The following FYB2 variants were observed in gnomAD, a reference collection of about 807,000 sequenced individuals.
FYB2 encodes the protein FYN binding protein 2, also known as FYN-binding protein 2.
In FYB2, 103 loss-of-function variants were observed where a neutral mutation model predicts 94.1. The observed-to-expected ratio is 1.09, with a 90% CI of 0.93 to 1.29. FYB2 has a LOEUF of 1.29. FYB2 is among the 50% of genes most tolerant of loss of function. The pLI is 0.00. For synonymous variants in FYB2, 293 were observed against 287.9 expected (o/e 1.02, Z -0.18); for missense variants, 896 against 841.5 (o/e 1.06, Z -0.80).
intron 1 of FYB2, among the ~76,000 whole-genome samples, chr1:56,809,707 G>GT (rs1310568230): frequency 1.3e-5 from 2 of 152,090 alleles, no homozygotes; most frequent in Admixed American, 1.3e-4. Context: ...CACTCTAATT[G>GT]TTTTTTTACA....
At chr1:56,754,212 G>A (rs899781463) in intron 7 of FYB2, among the ~76,000 whole-genome samples, 14 of 151,820 alleles carry the variant, frequency 9.2e-5, no homozygotes, top group South Asian at 4.2e-4. Context: ...GATCTGGCTC[G>A]TACCTTTCTT....
At chr1:56,814,721 C>A (rs1198334941) in intron 1 of FYB2, among the ~76,000 whole-genome samples, 1 of 152,194 alleles carries the variant, frequency 6.6e-6, no homozygotes, top group Non-Finnish European at 1.5e-5. Context: ...AGTCTACTCT[C>A]CCAAGAACAA....
chr1:56,722,367 A>G (rs1369835251), intron 17 of FYB2, among the ~76,000 whole-genome samples: 2 of 152,116 alleles, frequency 1.3e-5, no homozygotes, highest in Non-Finnish European at 2.9e-5. Context: ...TAAAATAACC[A>G]TTGTCCTCTA....
chr1:56,798,100 T>C (rs965834310), intron 1 of FYB2, among the ~76,000 whole-genome samples: 2 of 152,192 alleles, frequency 1.3e-5, no homozygotes, highest in African/African-American at 4.8e-5. Flanking sequence ...CCTTGGTGAA[T>C]GAATGAGTCA....
chr1:56,820,967 ACT>A (rs1483095872), upstream of FYB2, among the ~76,000 whole-genome samples: 5 of 151,848 alleles, frequency 3.3e-5, no homozygotes, highest in South Asian at 2.1e-4. Flanking sequence ...TGACTTCATG[ACT>A]CTCTGTTTGG....
intron 4 of FYB2, among the ~76,000 whole-genome samples, chr1:56,770,588 C>T (rs1487277870): frequency 6.6e-6 from 1 of 152,008 alleles, no homozygotes; most frequent in Non-Finnish European, 1.5e-5. Flanking sequence ...TATTCCGAGA[C>T]CTCAAGGATG....
intron 1 of FYB2, among the ~76,000 whole-genome samples, chr1:56,803,470 G>A (rs1361732): frequency 0.032 from 4,867 of 152,256 alleles, 247 homozygotes; most frequent in African/African-American, 0.11. Context: ...ATCAATGGTA[G>A]CTGGACTGAT....
At chr1:56,778,545 G>A (rs1645935634) in intron 4 of FYB2, among the ~76,000 whole-genome samples, 1 of 152,006 alleles carries the variant, frequency 6.6e-6, no homozygotes, top group African/African-American at 2.4e-5. Flanking sequence ...TTGTCATTGA[G>A]CTCCCCCTCT....
At chr1:56,737,277 A>G (rs1223982969) in intron 14 of FYB2, 130 bp from the exon 15 acceptor site, 5 of 577,268 alleles carry the variant, frequency 8.7e-6, no homozygotes, top group Non-Finnish European at 1.5e-5. Context: ...AAATCTGATC[A>G]TAAAATACAG....
intron 15 of FYB2, among the ~76,000 whole-genome samples, chr1:56,730,241 G>C (rs967266672): frequency 6.9e-6 from 1 of 144,362 alleles, no homozygotes; most frequent in Non-Finnish European, 1.5e-5. Flanking sequence ...CAAAAAGCTG[G>C]TGTTTTGAAA....
At chr1:56,787,243 T>C in intron 3 of FYB2, 35 bp from the exon 4 acceptor site, 1 of 1,612,808 alleles carries the variant, frequency 6.2e-7, no homozygotes, top group Non-Finnish European at 8.5e-7. Flanking sequence ...AAAAGAGGCA[T>C]TTGCAGCAGC....
At chr1:56,822,091 G>T (rs1646996368), upstream of FYB2, among the ~76,000 whole-genome samples, 1 of 152,202 alleles carries the variant, frequency 6.6e-6, no homozygotes, top group African/African-American at 2.4e-5. Flanking sequence ...ATAAAGAAAT[G>T]ACTGACTGAG....
Position 56,807,707 on chromosome 1 carries a change from G to A in FYB2, c.9+11575C>T, listed in dbSNP as rs564949635. On this transcript the variant is annotated intron_variant, in intron 1 of 19. Transcript: ENST00000343433. ...TAACAACCCAGCAAGATTGGTAAGCGTTGGAATTCCCGTTTTATAGATAAA... is the reference window on the plus strand; with the variant it reads ...TAACAACCCAGCAAGATTGGTAAGCATTGGAATTCCCGTTTTATAGATAAA... Among the ~76,000 whole-genome samples the A allele has an allele frequency of 9.2e-5, 14 of 152,284 alleles. No individual in the cohort carries two copies. The South Asian group carries it at 1.7e-3, about 18-fold the overall frequency.
chr1:56,773,076 A>G (rs552088876), intron 4 of FYB2, among the ~76,000 whole-genome samples: 4 of 152,306 alleles, frequency 2.6e-5, no homozygotes, highest in African/African-American at 9.6e-5. Context: ...TAAATGCAAT[A>G]TAAGTGTTAA....
chr1:56,755,792 C>A, intron 7 of FYB2, 104 bp downstream of exon 7: 2 of 1,153,230 alleles, frequency 1.7e-6, no homozygotes, highest in South Asian at 1.4e-5. Context: ...CTGAACCAGG[C>A]TAGCTCAGTT....
chr1:56,787,037 T>C (rs1476510179), intron 4 of FYB2, 138 bp downstream of exon 4: 1 of 896,934 alleles, frequency 1.1e-6, no homozygotes, highest in Non-Finnish European at 1.8e-6. Flanking sequence ...TTACACTTTG[T>C]TGCTTATAAG....
At chr1:56,816,146 C>T (rs1429784653) in intron 1 of FYB2, among the ~76,000 whole-genome samples, 1 of 152,186 alleles carries the variant, frequency 6.6e-6, no homozygotes, top group Admixed American at 6.5e-5. Context: ...AAACAAAAAG[C>T]ATTTTTCTAT....
At chr1:56,796,170 G>T (rs949578096) in intron 1 of FYB2, among the ~76,000 whole-genome samples, 6 of 152,208 alleles carry the variant, frequency 3.9e-5, no homozygotes, top group Admixed American at 1.3e-4. Context: ...TGGTTGGTTT[G>T]GGTGATCTCC....
At chr1:56,752,406 CA>C (rs1314582092) in intron 8 of FYB2, among the ~76,000 whole-genome samples, 1 of 151,892 alleles carries the variant, frequency 6.6e-6, no homozygotes, top group East Asian at 1.9e-4. Flanking sequence ...CTGACTACAA[CA>C]GAGTAGAGAT....
Sources: allele counts gnomAD v4.1 joint callset (sites outside exome capture counted in the v4.1 genomes callset), GRCh38; gene constraint gnomAD v4.1.1; transcripts MANE v1.5; gene names NCBI Gene and HGNC (gene_info 2026-07-23, HGNC 2026-07-21).